AHNAK: variants seen among roughly 807,000 people sequenced by gnomAD.
The protein encoded by AHNAK is AHNAK nucleoprotein.
AHNAK carries 23 observed loss-of-function variants against 37.8 expected under a neutral mutation model. The observed-to-expected ratio is 0.61, with a 90% CI of 0.44 to 0.86. AHNAK has a LOEUF of 0.86. Among genes scored for constraint, AHNAK ranks in the 40% least tolerant of loss-of-function variants. The pLI is 0.00. For missense variants in AHNAK, 7,411 were observed against 7,319.4 expected (o/e 1.01, Z -0.46); for synonymous variants, 2,481 against 2,636.3 (o/e 0.94, Z 1.80).
At chr11:62,508,898 C>A (rs773048880) in intron 4 of AHNAK, among the ~76,000 whole-genome samples, 1 of 152,200 alleles carries the variant, frequency 6.6e-6, no homozygotes, top group Non-Finnish European at 1.5e-5. Flanking sequence ...CTAAGCATGC[C>A]ACCAACCCCT....
intron 5 of AHNAK, among the ~76,000 whole-genome samples, chr11:62,441,166 A>G (rs1322572709): frequency 6.6e-6 from 1 of 151,176 alleles, no homozygotes; most frequent in Non-Finnish European, 1.5e-5. Context: ...ACGCCCGGCT[A>G]AATTTTTGTA....
Position 62,531,221 on chromosome 11 carries a change from T to C in AHNAK, c.3196A>G (p.Lys1066Glu). 1.9e-6 allele frequency: 3 copies of C among 1,614,180 alleles called. No individual in the cohort carries two copies. The highest frequency in any genetic ancestry group is 2.5e-6 in the Non-Finnish European group (3 of 1,180,030). The change falls in exon 5 of 5, where the codon AAG (lysine) becomes GAG (glutamate). Residue 1066 changes from lysine to glutamate, a missense_variant. Transcript: ENST00000378024. ...KMPEMHFRAP[K>E]MSLPDVDLDL... is the part of the protein sequence containing the mutation. Reference sequence around the variant, plus strand: ...AGGTCAACATCTGGCAAAGACATCTTAGGAGCTCTGAAGTGCATCTCAGGC... The same window carrying C: ...AGGTCAACATCTGGCAAAGACATCTCAGGAGCTCTGAAGTGCATCTCAGGC...
At chr11:62,536,612 T>G (rs982217134) in intron 1 of AHNAK, 45 bp from the exon 2 acceptor site, 5 of 152,630 alleles carry the variant, frequency 3.3e-5, no homozygotes, top group African/African-American at 1.2e-4. Flanking sequence ...GTCGGCAGTC[T>G]GCTTGCTCCA....
At chr11:62,470,860 G>A (rs1286237169) in intron 5 of AHNAK, among the ~76,000 whole-genome samples, 1 of 151,068 alleles carries the variant, frequency 6.6e-6, no homozygotes, top group East Asian at 1.9e-4. Context: ...CAATAATCCA[G>A]TGCTTACCCA....
Position 62,520,392 on chromosome 11 carries a change from G to T in AHNAK, c.14025C>A (p.Asn4675Lys). 6.2e-7 allele frequency: 1 copy of T among 1,612,978 alleles called. No individual in the cohort carries two copies. The highest frequency in any genetic ancestry group is 1.3e-5 in the African/African-American group (1 of 74,562). Residue 4675 changes from asparagine to lysine, a missense_variant, in exon 5 of 5, where the codon AAC becomes AAA. By Grantham distance (94) the Asn-to-Lys change is moderately conservative. Coordinates refer to ENST00000378024, the MANE Select transcript of AHNAK (RefSeq NM_001620.3). The stretch of plus-strand genomic sequence containing the variant: ...AGACATCAATGTCAGCCTTGGGCAG[G>T]TTCACATCCACATCTGGGCCCTCTC... ...FKGEGPDVDV[N>K]LPKADIDVSG...
At position 62,520,267 on chromosome 11, in the gene AHNAK, T is replaced by G; in HGVS notation, c.14150A>C (p.Lys4717Thr). ...ATCAGGCATGGAGATCTTGGGGGCT[T>G]TGATGCTCATCTCAGGCATCTTGAA... Reference protein sequence around the residue: ...PKFKMPEMSIKAPKISMPDID... With the variant: ...PKFKMPEMSITAPKISMPDID... The change falls in exon 5 of 5, where the codon AAA (lysine) becomes ACA (threonine). Residue 4717 changes from lysine (K) to threonine (T), a missense_variant. Lys to Thr is a moderately conservative substitution (Grantham distance 78). Transcript: ENST00000378024. The G allele has an allele frequency of 6.2e-7, 1 of 1,613,078 alleles. No homozygotes were observed. Among genetic ancestry groups the G allele is most frequent in the Non-Finnish European group, 8.5e-7 (1 of 1,179,790 alleles).
At chr11:62,470,537 C>T (rs1483696773) in intron 5 of AHNAK, among the ~76,000 whole-genome samples, 2 of 151,504 alleles carry the variant, frequency 1.3e-5, no homozygotes, top group African/African-American at 4.9e-5. Flanking sequence ...ACCCGGGAGG[C>T]GGAGATTGCA....
At chr11:62,493,317 T>C (rs1208868878) in intron 4 of AHNAK, among the ~76,000 whole-genome samples, 1 of 138,412 alleles carries the variant, frequency 7.2e-6, no homozygotes, top group African/African-American at 3.2e-5. Flanking sequence ...CTCGGCCTGT[T>C]TTCTTTCTTT....
Position 62,521,745 on chromosome 11 carries a change from C to T in AHNAK, c.12672G>A (p.Val4224=). The change falls in exon 5 of 5, where the codon GTG becomes GTA. Residue 4224 remains valine (V), a synonymous_variant. Transcript: ENST00000378024. ...TATTCACATCAGGAACATCAATGTC[C>T]ACCTTGGGTCCTGAGACGTCAAGGT... The part of the protein sequence containing the change: ...KADLDVSGPK[V]DIDVPDVNIE... 1 of 1,613,866 alleles carries T rather than the reference C, an allele frequency of 6.2e-7. No individual in the cohort carries two copies. The highest frequency in any genetic ancestry group is 8.5e-7 in the Non-Finnish European group (1 of 1,179,984).
intron 5 of AHNAK, among the ~76,000 whole-genome samples, chr11:62,440,438 A>G (rs1055922377): frequency 6.6e-6 from 1 of 151,988 alleles, no homozygotes; most frequent in African/African-American, 2.4e-5. Context: ...CACGAGCCCC[A>G]TTCCAGAAAC....
downstream of AHNAK, among the ~76,000 whole-genome samples, chr11:62,515,579 T>C (rs1173317154): frequency 6.6e-6 from 1 of 152,232 alleles, no homozygotes; most frequent in African/African-American, 2.4e-5. Flanking sequence ...TTTCGGTAAT[T>C]CCAGGAGGCC....
chr11:62,541,582 A>G (rs1941124712), intron 1 of AHNAK, among the ~76,000 whole-genome samples: 1 of 152,208 alleles, frequency 6.6e-6, no homozygotes, highest in South Asian at 2.1e-4. Flanking sequence ...AGAAAGTTCC[A>G]TGTTGAAAGA....
At chr11:62,491,647 C>A (rs1442865197) in intron 5 of AHNAK, 74 of 1,334,634 alleles carry the variant, frequency 5.5e-5, no homozygotes, top group Non-Finnish European at 7.7e-5. Context: ...CTTCCACAGC[C>A]CAGGCAGGCA....
At chr11:62,465,756 A>T (rs1408076931) in intron 5 of AHNAK, among the ~76,000 whole-genome samples, 1 of 152,202 alleles carries the variant, frequency 6.6e-6, no homozygotes, top group Non-Finnish European at 1.5e-5. Context: ...AGGCAGCCAC[A>T]TGGAGATGGG....
chr11:62,528,272 G>C lies in AHNAK; in HGVS notation c.6145C>G (p.Pro2049Ala). ...CTGAACTTGGGCATTTTCATCTTGG[G>C]CATCTTCAGGTGCCAGTCTGGGCCA... ...VHGPDWHLKM[P>A]KMKMPKFSMP... Residue 2049 changes from proline to alanine, a missense_variant, in exon 5 of 5, where the codon CCC becomes GCC. Pro to Ala is a conservative substitution (Grantham distance 27). Coordinates refer to ENST00000378024, the MANE Select transcript of AHNAK (RefSeq NM_001620.3). 1.2e-6 allele frequency: 2 copies of C among 1,614,012 alleles called. No individual in the cohort carries two copies. Among genetic ancestry groups the C allele is most frequent in the Non-Finnish European group, 8.5e-7 (1 of 1,179,992 alleles).
chr11:62,443,398 G>A (rs1406811773), intron 5 of AHNAK, among the ~76,000 whole-genome samples: 1 of 151,040 alleles, frequency 6.6e-6, no homozygotes, highest in African/African-American at 2.4e-5. Flanking sequence ...TCAGCCTCCT[G>A]AGTAGCTAGG....
At chr11:62,504,101 C>T (rs1939763139) in intron 4 of AHNAK, among the ~76,000 whole-genome samples, 1 of 151,720 alleles carries the variant, frequency 6.6e-6, no homozygotes, top group African/African-American at 2.4e-5. Context: ...GTGGAGGTTG[C>T]AGTGAGCCAA....
In AHNAK at chr11:62,533,438, C is replaced by T. The variant is rs781091015; in HGVS notation, c.979G>A (p.Ala327Thr). 1.2e-5 allele frequency: 19 copies of T among 1,613,400 alleles called. 1 individual carries two copies. The Middle Eastern group carries it at 2.5e-3, about 210-fold the overall frequency. The change falls in exon 5 of 5, where the codon GCA becomes ACA. Residue 327 changes from alanine (A) to threonine (T), a missense_variant. Coordinates refer to ENST00000378024, the MANE Select transcript of AHNAK (RefSeq NM_001620.3). ...STGREGQTPK[A>T]GLRVSAPEVS... ...TCAGGTGCAGAAACCCTCAGCCCTG[C>T]CTTTGGTGTCTGGCCCTCACGCCCT...
intron 1 of AHNAK, among the ~76,000 whole-genome samples, chr11:62,540,978 C>A (rs1941104631): frequency 6.6e-6 from 1 of 152,250 alleles, no homozygotes; most frequent in South Asian, 2.1e-4. Context: ...ATGGCCTCTG[C>A]CAGGGGTGAC....
Sources: gnomAD v4.1 joint callset for allele counts (sites outside exome capture counted in the v4.1 genomes callset) on GRCh38, gnomAD v4.1.1 for gene constraint, MANE v1.5 for transcripts, NCBI Gene and HGNC (gene_info 2026-07-23, HGNC 2026-07-21) for gene names.